Variants in XXYLT1 observed in about 807,000 individuals in gnomAD.
XXYLT1 encodes xyloside xylosyltransferase 1.
XXYLT1 carries 20 observed loss-of-function variants against 28.9 expected under a neutral mutation model. The ratio of observed to expected loss-of-function variants is 0.69; its 90% confidence interval spans 0.49 to 1.00. The LOEUF (loss-of-function observed/expected upper bound fraction) is 1.00, where lower values mean the gene tolerates loss of function less well. Among genes scored for constraint, XXYLT1 ranks in the 50% least tolerant of loss-of-function variants. The pLI is 0.00. For synonymous variants in XXYLT1, 257 were observed against 253.8 expected (o/e 1.01, Z -0.12); for missense variants, 542 against 560.1 (o/e 0.97, Z 0.33).
At chr3:195,222,452 G>A (rs1723867766) in intron 2 of XXYLT1, among the ~76,000 whole-genome samples, 1 of 152,224 alleles carries the variant, frequency 6.6e-6, no homozygotes, top group Admixed American at 6.5e-5. Context: ...GCTCACCTGT[G>A]TGAGTCGACA....
intron 2 of XXYLT1, among the ~76,000 whole-genome samples, chr3:195,161,953 G>T (rs1358024808): frequency 2.0e-5 from 3 of 152,084 alleles, no homozygotes; most frequent in African/African-American, 7.2e-5. Context: ...GCTGGGTGCA[G>T]TGGCTGATGC....
intron 2 of XXYLT1, chr3:195,207,533 A>C (rs1166423867): frequency 2.2e-6 from 1 of 454,100 alleles, no homozygotes; most frequent in Middle Eastern, 3.3e-4. Context: ...CAAATACCAC[A>C]TCCTCCTCAA....
chr3:195,108,227 A>G (rs1717259121), intron 3 of XXYLT1, among the ~76,000 whole-genome samples: 1 of 152,238 alleles, frequency 6.6e-6, no homozygotes, highest in Non-Finnish European at 1.5e-5. Context: ...ACTAAACATA[A>G]CTGCATGTTA....
intron 1 of XXYLT1, chr3:195,270,162 C>CA: frequency 2.2e-6 from 1 of 459,506 alleles, no homozygotes; most frequent in South Asian, 1.7e-5. Flanking sequence ...TCCAGTTGCT[C>CA]AGGATGACTA....
intron 2 of XXYLT1, among the ~76,000 whole-genome samples, chr3:195,167,896 G>A (rs923488313): frequency 6.6e-6 from 1 of 152,194 alleles, no homozygotes; most frequent in Non-Finnish European, 1.5e-5. Context: ...ACTTGAGGCA[G>A]CAATGACCCG....
intron 3 of XXYLT1, among the ~76,000 whole-genome samples, chr3:195,154,439 T>G (rs1720450450): frequency 6.6e-6 from 1 of 151,610 alleles, no homozygotes; most frequent in African/African-American, 2.4e-5. Flanking sequence ...AACCATCTGG[T>G]AAAGAAAACA....
chr3:195,082,719 C>T (rs748043968), intron 3 of XXYLT1, among the ~76,000 whole-genome samples: 1 of 152,032 alleles, frequency 6.6e-6, no homozygotes, highest in Non-Finnish European at 1.5e-5. Flanking sequence ...TGTGGTGGCG[C>T]GTGCCTATAA....
chr3:195,194,648 C>T (rs931348082), intron 2 of XXYLT1, among the ~76,000 whole-genome samples: 1 of 152,066 alleles, frequency 6.6e-6, no homozygotes, highest in African/African-American at 2.4e-5. Context: ...AAAGTGAAAC[C>T]GGTCCAAACG....
chr3:195,078,531 C>T lies in XXYLT1; in HGVS notation c.786-8420G>A, dbSNP rs971924310. On this transcript the variant is annotated intron_variant, in intron 3 of 3. Coordinates refer to ENST00000310380, the MANE Select transcript of XXYLT1 (RefSeq NM_152531.5). The surrounding 1 kb of genome is among the most constrained non-coding windows in gnomAD (Gnocchi z 5.0). ...TCCCACCAAGTTCCCTCCAGCCTAC[C>T]TCCCCCTCTTCCTCATCCCCATCCA... Among the ~76,000 whole-genome samples, 2 of 152,098 alleles carry T rather than the reference C, an allele frequency of 1.3e-5. No homozygotes were observed. Among genetic ancestry groups the T allele is most frequent in the Admixed American group, 6.5e-5 (1 of 15,278 alleles).
intron 3 of XXYLT1, among the ~76,000 whole-genome samples, chr3:195,086,935 A>G (rs994198825): frequency 6.6e-6 from 1 of 152,082 alleles, no homozygotes; most frequent in African/African-American, 2.4e-5. Context: ...GCATGATGAC[A>G]CTGGCCAGGC....
rs1289143037 is a variant in XXYLT1, at chr3:195,078,280, G to A, written c.786-8169C>T. Among the ~76,000 whole-genome samples, 1 of 152,074 alleles carries A rather than the reference G, an allele frequency of 6.6e-6. No individual in the cohort carries two copies. Among genetic ancestry groups the A allele is most frequent in the Non-Finnish European group, 1.5e-5 (1 of 68,014 alleles). The stretch of plus-strand genomic sequence containing the variant: ...ATTCTGGAGAGTTCTGACATTTAGG[G>A]CGTGGAAGAAGAGGAGCCAGGAAGA... On this transcript the variant is annotated intron_variant, in intron 3 of 3. Coordinates refer to ENST00000310380, the MANE Select transcript of XXYLT1 (RefSeq NM_152531.5). This position sits in a 1 kb window ranked among gnomAD's most constrained non-coding sequence, Gnocchi z 5.0.
rs1011027686 is a variant in XXYLT1 at position 195,257,225 on chromosome 3, C to A, written c.504+13330G>T. 6.6e-6 allele frequency among the ~76,000 whole-genome samples: 1 copy of A among 152,206 alleles called. No individual in the cohort carries two copies. The highest frequency in any genetic ancestry group is 2.4e-5 in the African/African-American group (1 of 41,444). Reference sequence around the variant, plus strand: ...CCGGCCTTCCATGGCTGCACTCACACCCCACTGCCCACCGTGTTGGCATCC... The same window carrying A: ...CCGGCCTTCCATGGCTGCACTCACAACCCACTGCCCACCGTGTTGGCATCC... On this transcript the variant is annotated intron_variant, in intron 1 of 3. Transcript: ENST00000310380. The surrounding 1 kb of genome is among the most constrained non-coding windows in gnomAD (Gnocchi z 4.3).
intron 2 of XXYLT1, among the ~76,000 whole-genome samples, chr3:195,218,917 A>G (rs1723697001): frequency 6.6e-6 from 1 of 151,852 alleles, no homozygotes; most frequent in South Asian, 2.1e-4. Context: ...AACCAACCCA[A>G]ATGTCCAACA....
At chr3:195,110,704 GTGGTGTGTGTGGTGTGTGTGTGTGTGC>G (rs1388175586) in intron 3 of XXYLT1, among the ~76,000 whole-genome samples, 1 of 126,242 alleles carries the variant, frequency 7.9e-6, no homozygotes, top group East Asian at 2.2e-4. Context: ...GTGCATGTGT[GTGGTGTGTGTGGTGTGTGTGTGTGTGC>G]TGTATGTGTG....
At position 195,194,533 on chromosome 3, in the gene XXYLT1, C is replaced by T. The variant is rs527594133; in HGVS notation, c.652+32176G>A. Among the ~76,000 whole-genome samples, 8 of 152,172 alleles carry T rather than the reference C, an allele frequency of 5.3e-5. 1 individual carries two copies. Among genetic ancestry groups the T allele is most frequent in the African/African-American group, 1.9e-4 (8 of 41,508 alleles). Reference sequence around the variant, plus strand: ...TTCCTACAAAGTTAAACATAAATTTCCCATATGACCCAGCAATTCTACTCC... The same window carrying T: ...TTCCTACAAAGTTAAACATAAATTTTCCATATGACCCAGCAATTCTACTCC... On this transcript the variant is annotated intron_variant, in intron 2 of 3. Transcript: ENST00000310380.
Position 195,210,021 on chromosome 3 carries a change from A to AAAAGAGAAGACGCTCAG in XXYLT1, c.652+16687_652+16688insCTGAGCGTCTTCTCTTT, listed in dbSNP as rs1723243123. Among the ~76,000 whole-genome samples, 1 of 152,168 alleles carries AAAAGAGAAGACGCTCAG rather than the reference A, an allele frequency of 6.6e-6. No homozygotes were observed. The highest frequency in any genetic ancestry group is 2.4e-5 in the African/African-American group (1 of 41,448). On this transcript the variant is annotated intron_variant, in intron 2 of 3. Transcript: ENST00000310380. The surrounding 1 kb of genome is among the most constrained non-coding windows in gnomAD (Gnocchi z 4.8). ...GCGGCTTGGCAAACACACCAGAGGG[A>AAAAGAGAAGACGCTCAG]CACACAGGGATCTGACACCATCTGG...
At chr3:195,203,746 G>A (rs1722950338) in intron 2 of XXYLT1, among the ~76,000 whole-genome samples, 1 of 152,176 alleles carries the variant, frequency 6.6e-6, no homozygotes, top group Non-Finnish European at 1.5e-5. Context: ...TTGGAGCAGT[G>A]TGCTGGGACT....
chr3:195,186,820 T>C (rs1033028292), intron 2 of XXYLT1, among the ~76,000 whole-genome samples: 2 of 151,746 alleles, frequency 1.3e-5, no homozygotes, highest in Non-Finnish European at 2.9e-5. Flanking sequence ...ACTGAATAAA[T>C]CTTTGCTGAG....
chr3:195,251,918 C>T (rs547644757), intron 1 of XXYLT1, among the ~76,000 whole-genome samples: 13 of 152,340 alleles, frequency 8.5e-5, no homozygotes, highest in Non-Finnish European at 1.6e-4. Context: ...CATTGTTCGC[C>T]TGGGTGTTCA....
Sources: allele counts gnomAD v4.1 joint callset (sites outside exome capture counted in the v4.1 genomes callset), GRCh38; gene constraint gnomAD v4.1.1; non-coding constraint Gnocchi (gnomAD v3.1); transcripts MANE v1.5; gene names NCBI Gene and HGNC (gene_info 2026-07-23, HGNC 2026-07-21).